Variants in TMCC3 observed in about 807,000 individuals in gnomAD.
TMCC3 encodes transmembrane and coiled-coil domain protein 3.
TMCC3 carries 28 observed loss-of-function variants against 40.2 expected under a neutral mutation model. The observed-to-expected ratio is 0.70, with a 90% CI of 0.52 to 0.95. TMCC3 has a LOEUF of 0.95. Among genes scored for constraint, TMCC3 ranks in the 40% least tolerant of loss-of-function variants. TMCC3 has a pLI of 0.00. For missense variants in TMCC3, 554 were observed against 615.2 expected, an observed-to-expected ratio of 0.90 and a Z score of 1.05; for synonymous variants, 255 against 248.5, an observed-to-expected ratio of 1.03 and a Z score of -0.25.
chr12:94,613,292 G>A (rs569500515), intron 1 of TMCC3, among the ~76,000 whole-genome samples: 2 of 147,426 alleles, frequency 1.4e-5, no homozygotes, highest in East Asian at 4.0e-4. Flanking sequence ...ATGAAATGCT[G>A]TCTCTACCAA....
At chr12:94,611,859 T>C (rs2138860039) in intron 1 of TMCC3, among the ~76,000 whole-genome samples, 1 of 152,276 alleles carries the variant, frequency 6.6e-6, no homozygotes, top group African/African-American at 2.4e-5. Flanking sequence ...TCCATGAATG[T>C]GAAATCCGTG....
intron 1 of TMCC3, among the ~76,000 whole-genome samples, chr12:94,629,108 A>C (rs188371619): frequency 6.6e-6 from 1 of 152,238 alleles, no homozygotes; most frequent in African/African-American, 2.4e-5. Context: ...CTCATGATTT[A>C]GTATTTCCTC....
At chr12:94,573,028 G>A (rs1462717636) in intron 3 of TMCC3, among the ~76,000 whole-genome samples, 1 of 152,094 alleles carries the variant, frequency 6.6e-6, no homozygotes, top group Non-Finnish European at 1.5e-5. Flanking sequence ...ATGCCTCTTT[G>A]ACATCTCCAT....
At chr12:94,645,369 T>TA (rs2069012641) in intron 1 of TMCC3, among the ~76,000 whole-genome samples, 1 of 152,234 alleles carries the variant, frequency 6.6e-6, no homozygotes, top group Non-Finnish European at 1.5e-5. Context: ...CTCTTTCATA[T>TA]AGTACAGGTC....
At chr12:94,579,106 G>A (rs2068585268) in intron 2 of TMCC3, among the ~76,000 whole-genome samples, 1 of 152,228 alleles carries the variant, frequency 6.6e-6, no homozygotes, top group Admixed American at 6.5e-5. Context: ...ACAAATTATA[G>A]ATGGTTCATC....
chr12:94,641,786 C>T (rs892386892), intron 1 of TMCC3, among the ~76,000 whole-genome samples: 2 of 152,208 alleles, frequency 1.3e-5, no homozygotes, highest in Admixed American at 6.5e-5. Context: ...AGCTCCATGG[C>T]TTATGCATCT....
At chr12:94,631,207 G>A (rs944014317) in intron 1 of TMCC3, among the ~76,000 whole-genome samples, 1 of 152,106 alleles carries the variant, frequency 6.6e-6, no homozygotes, top group Non-Finnish European at 1.5e-5. Context: ...TCCAAAGAAA[G>A]CTATGGAACC....
chr12:94,645,028 A>G (rs950986785), intron 1 of TMCC3, among the ~76,000 whole-genome samples: 1 of 152,246 alleles, frequency 6.6e-6, no homozygotes, highest in Non-Finnish European at 1.5e-5. Flanking sequence ...AGACAGGGGT[A>G]TTGTCCGGAA....
intron 1 of TMCC3, among the ~76,000 whole-genome samples, chr12:94,641,782 A>G (rs2068992371): frequency 6.6e-6 from 1 of 152,156 alleles, no homozygotes; most frequent in African/African-American, 2.4e-5. Flanking sequence ...GATGAGCTCC[A>G]TGGCTTATGC....
rs1241445593 is a variant in TMCC3 at position 94,582,137 on chromosome 12, C to G, written c.480G>C (p.Leu160=). ...RSSKDISKDH[L]KDIHRSLKDA... ...CTTTCAAAGAGCGATGTATATCCTT[C>G]AGGTGGTCTTTGGAAATGTCCTTTG... Residue 160 remains leucine (L), a synonymous_variant, in exon 2 of 4, where the codon CTG becomes CTC. Coordinates refer to ENST00000261226, the MANE Select transcript of TMCC3 (RefSeq NM_020698.4). 6.2e-7 allele frequency: 1 copy of G among 1,614,164 alleles called. No homozygotes were observed. The highest frequency in any genetic ancestry group is 8.5e-7 in the Non-Finnish European group (1 of 1,180,042).
In TMCC3 at chr12:94,592,661, C is replaced by CAAAAAAAAAAAA. The variant is rs869058316; in HGVS notation, c.79-10135_79-10124dup. Among the ~76,000 whole-genome samples, 90 of 27,496 alleles carry CAAAAAAAAAAAA rather than the reference C, an allele frequency of 3.3e-3. 12 individuals carry two copies. Among genetic ancestry groups the CAAAAAAAAAAAA allele is most frequent in the African/African-American group, 7.0e-3 (50 of 7,154 alleles). The allele number at this position is 27,496 out of a possible 152,430, so 18.0% of individuals were successfully genotyped here. On this transcript the variant is annotated intron_variant, in intron 1 of 3. Coordinates refer to ENST00000261226, the MANE Select transcript of TMCC3 (RefSeq NM_020698.4). ...TGAGCCTGGACAACAGGCTCCATCTCAAAAAAAAAAAAAAAAAAAAAATTC... is the reference window on the plus strand; with the variant it reads ...TGAGCCTGGACAACAGGCTCCATCTCAAAAAAAAAAAAAAAAAAAAAAAAAAAAAAAAAATTC...
At chr12:94,579,801 C>T (rs536340268) in intron 2 of TMCC3, among the ~76,000 whole-genome samples, 2 of 152,202 alleles carry the variant, frequency 1.3e-5, no homozygotes, top group Admixed American at 6.5e-5. Context: ...GACTGTAACA[C>T]GCGGGTCACA....
chr12:94,644,345 T>A, intron 1 of TMCC3: 1 of 983,158 alleles, frequency 1.0e-6, no homozygotes, highest in Non-Finnish European at 1.2e-6. Context: ...CAGACTCTTC[T>A]AAGTCAAGCT....
chr12:94,650,129 G>A (rs911493621), intron 1 of TMCC3, among the ~76,000 whole-genome samples: 4 of 152,114 alleles, frequency 2.6e-5, no homozygotes, highest in African/African-American at 4.8e-5. Flanking sequence ...CCTGGGCGCC[G>A]TGAGGGGCAG....
At chr12:94,593,434 G>GAAGAGGAAGAAAGAAGAAAGGA (rs780997868) in intron 1 of TMCC3, among the ~76,000 whole-genome samples, 1 of 22,506 alleles carries the variant, frequency 4.4e-5, no homozygotes, top group African/African-American at 1.7e-4. Context: ...GAAGAAGAAG[G>GAAGAGGAAGAAAGAAGAAAGGA]AGAAGGAGAA....
chr12:94,636,814 G>A (rs910097535), intron 1 of TMCC3, among the ~76,000 whole-genome samples: 1 of 152,250 alleles, frequency 6.6e-6, no homozygotes, highest in African/African-American at 2.4e-5. Flanking sequence ...GTCTACAGTT[G>A]CAAGAAACCT....
chr12:94,629,474 G>T (rs1218240415), intron 1 of TMCC3, among the ~76,000 whole-genome samples: 3 of 152,236 alleles, frequency 2.0e-5, no homozygotes, highest in African/African-American at 7.2e-5. Context: ...TGAGGGCAGT[G>T]CCCACATCTG....
In TMCC3 at chr12:94,630,501, A is replaced by C. The variant is rs151227808; in HGVS notation, c.78+19852T>G. ...TGGGATGATCCTGGACAAGTCGCTT[A>C]ACCCCTGTTTGAGCCTCAGTTCTTC... is the stretch of plus-strand genomic sequence containing the variant. On this transcript the variant is annotated intron_variant, in intron 1 of 3. Coordinates refer to ENST00000261226, the MANE Select transcript of TMCC3 (RefSeq NM_020698.4). Among the ~76,000 whole-genome samples, 707 of 152,220 alleles carry C rather than the reference A, an allele frequency of 4.6e-3. 6 individuals carry two copies. Among genetic ancestry groups the C allele is most frequent in the African/African-American group, 0.016 (678 of 41,530 alleles).
intron 1 of TMCC3, among the ~76,000 whole-genome samples, chr12:94,611,197 T>G (rs1048198901): frequency 3.9e-5 from 6 of 152,160 alleles, no homozygotes; most frequent in African/African-American, 1.4e-4. Flanking sequence ...AGTAACTCCC[T>G]ACTGAAAAGA....
Sources: gnomAD v4.1 joint callset for allele counts (sites outside exome capture counted in the v4.1 genomes callset) on GRCh38, gnomAD v4.1.1 for gene constraint, MANE v1.5 for transcripts, NCBI Gene and HGNC (gene_info 2026-07-23, HGNC 2026-07-21) for gene names.